Variants in CTNNA3 observed in about 807,000 individuals in gnomAD.
CTNNA3 encodes catenin alpha 3, also known as catenin alpha-3.
A neutral mutation model predicts 95.7 loss-of-function variants in CTNNA3; 76 were observed. The ratio of observed to expected loss-of-function variants is 0.79; its 90% CI spans 0.66 to 0.96. CTNNA3 has a LOEUF of 0.96. Ranked by LOEUF, CTNNA3 falls within the 40% of genes least tolerant of loss-of-function variation. The pLI is 0.00. For synonymous variants in CTNNA3, 431 were observed against 374.4 expected (o/e 1.15, Z -1.74); for missense variants, 1,191 against 1,089.8 (o/e 1.09, Z -1.31).
chr10:67,078,273 T>C (rs550328895), intron 7 of CTNNA3, among the ~76,000 whole-genome samples: 163 of 152,336 alleles, frequency 1.1e-3, no homozygotes, highest in African/African-American at 3.4e-3. Flanking sequence ...TAATGTGTAC[T>C]TCCAAGACTG....
rs145542570 is a variant in CTNNA3 at position 66,533,137 on chromosome 10, C to T, written c.1375-12364G>A. Among the ~76,000 whole-genome samples, 479 of 152,228 alleles carry T rather than the reference C, an allele frequency of 3.1e-3. 1 individual carries two copies. Among genetic ancestry groups the T allele is most frequent in the African/African-American group, 0.011 (463 of 41,548 alleles). ...TCAAAGTCAAAGTACTTAATTTAGC[C>T]TAAGGCCCTGAAATATTTGGCCCCT... On this transcript the variant is annotated intron_variant, in intron 10 of 17. Transcript: ENST00000433211.
At chr10:66,282,467 A>G (rs1202523569) in intron 12 of CTNNA3, among the ~76,000 whole-genome samples, 3 of 151,788 alleles carry the variant, frequency 2.0e-5, no homozygotes, top group African/African-American at 7.2e-5. Flanking sequence ...GTGCTGAGTC[A>G]TTCATGAAAA....
intron 11 of CTNNA3, among the ~76,000 whole-genome samples, chr10:66,395,366 G>T (rs535134769): frequency 6.6e-6 from 1 of 152,078 alleles, no homozygotes; most frequent in Admixed American, 6.6e-5. Context: ...CAAAGGAGGA[G>T]TCCATGAGGT....
At chr10:66,872,080 C>CGT in intron 7 of CTNNA3, among the ~76,000 whole-genome samples, 1 of 152,278 alleles carries the variant, frequency 6.6e-6, no homozygotes, top group East Asian at 1.9e-4. Context: ...CAAAACCCTC[C>CGT]GTAACATACT....
intron 6 of CTNNA3, among the ~76,000 whole-genome samples, chr10:67,190,721 T>A (rs1863082085): frequency 1.3e-5 from 2 of 152,024 alleles, no homozygotes. Context: ...TTTTATTATG[T>A]TAGGTTTACA....
intron 3 of CTNNA3, among the ~76,000 whole-genome samples, chr10:67,586,946 C>G (rs1313584259): frequency 6.6e-6 from 1 of 151,988 alleles, no homozygotes; most frequent in Non-Finnish European, 1.5e-5. Flanking sequence ...TCTCTTCCTC[C>G]TTTGTGAGCT....
intron 15 of CTNNA3, among the ~76,000 whole-genome samples, chr10:66,036,806 G>A (rs2079571846): frequency 6.6e-6 from 1 of 151,272 alleles, no homozygotes; most frequent in Non-Finnish European, 1.5e-5. Context: ...TATTTGGCCT[G>A]GACTATATTA....
At chr10:66,757,301 G>T (rs1839400879) in intron 9 of CTNNA3, among the ~76,000 whole-genome samples, 1 of 152,062 alleles carries the variant, frequency 6.6e-6, no homozygotes, top group Non-Finnish European at 1.5e-5. Flanking sequence ...TTTTAGATTA[G>T]GAAGAATATT....
At chr10:66,954,116 C>A (rs1489705012) in intron 7 of CTNNA3, among the ~76,000 whole-genome samples, 1 of 152,102 alleles carries the variant, frequency 6.6e-6, no homozygotes. Context: ...CTCTACTAGT[C>A]AGTAAATCCA....
At chr10:66,855,898 A>G (rs963505888) in intron 7 of CTNNA3, among the ~76,000 whole-genome samples, 1 of 152,022 alleles carries the variant, frequency 6.6e-6, no homozygotes, top group Non-Finnish European at 1.5e-5. Flanking sequence ...ATTATCAATA[A>G]TATCAAAGTA....
intron 6 of CTNNA3, among the ~76,000 whole-genome samples, chr10:67,207,211 A>G (rs763940435): frequency 4.3e-4 from 65 of 152,190 alleles, no homozygotes; most frequent in Admixed American, 3.4e-3. Context: ...ATTGACAGAT[A>G]TAATTTTTTA....
At chr10:66,859,558 A>G (rs1162081134) in intron 7 of CTNNA3, among the ~76,000 whole-genome samples, 1 of 151,182 alleles carries the variant, frequency 6.6e-6, no homozygotes, top group Non-Finnish European at 1.5e-5. Context: ...ACACTTTTAC[A>G]CTGTTGGTGG....
chr10:66,444,398 G>GA (rs1477609130), intron 11 of CTNNA3, among the ~76,000 whole-genome samples: 2 of 152,020 alleles, frequency 1.3e-5, no homozygotes, highest in Non-Finnish European at 2.9e-5. Flanking sequence ...TGAAATGAAG[G>GA]AAAAAATGGT....
chr10:67,077,799 A>G (rs1010016881), intron 7 of CTNNA3, among the ~76,000 whole-genome samples: 2 of 152,196 alleles, frequency 1.3e-5, no homozygotes, highest in African/African-American at 4.8e-5. Context: ...ATACTCAATG[A>G]TCATTTATTA....
At chr10:66,362,603 C>G (rs182394356) in intron 12 of CTNNA3, among the ~76,000 whole-genome samples, 2 of 151,898 alleles carry the variant, frequency 1.3e-5, no homozygotes, top group Admixed American at 1.3e-4. Context: ...GTCCCAGATA[C>G]TCGGGAGGTT....
At chr10:66,380,621 CTATCTA>C (rs751413880) in intron 11 of CTNNA3, among the ~76,000 whole-genome samples, 154 of 105,728 alleles carry the variant, frequency 1.5e-3, no homozygotes, top group African/African-American at 5.9e-3. Context: ...ATCTATCTAT[CTATCTA>C]TATATATATA....
In CTNNA3 at chr10:66,317,940, A is replaced by G. The variant is rs2092124158; in HGVS notation, c.1733-37319T>C. ...TTCTCCTTTTATTTTATAGAGTCGG[A>G]TATTTATTAAATAAGTGCATGCCAG... On this transcript the variant is annotated intron_variant, in intron 12 of 17. Transcript: ENST00000433211. Among the ~76,000 whole-genome samples, 3 of 152,060 alleles carry G rather than the reference A, an allele frequency of 2.0e-5. No individual in the cohort carries two copies. In the South Asian group the frequency reaches 6.2e-4, roughly 32 times the overall value.
chr10:66,940,317 G>A (rs911129529), intron 7 of CTNNA3, among the ~76,000 whole-genome samples: 2 of 152,024 alleles, frequency 1.3e-5, no homozygotes, highest in Non-Finnish European at 1.5e-5. Flanking sequence ...AACATAGCAA[G>A]GCCTCATCTC....
chr10:67,141,347 T>C (rs569439376), intron 7 of CTNNA3, among the ~76,000 whole-genome samples: 69 of 152,240 alleles, frequency 4.5e-4, no homozygotes, highest in Middle Eastern at 3.4e-3. Flanking sequence ...AAAATATCTA[T>C]TACTATTCTA....
Sources: gnomAD v4.1 joint callset for allele counts (sites outside exome capture counted in the v4.1 genomes callset) on GRCh38, gnomAD v4.1.1 for gene constraint, MANE v1.5 for transcripts, NCBI Gene and HGNC (gene_info 2026-07-23, HGNC 2026-07-21) for gene names.